CFAP96: variants seen among roughly 807,000 people sequenced by gnomAD.
CFAP96 encodes cilia and flagella associated protein 96, also known as cilia-and flagella-associated protein 96.
chr4:185,439,967 A>G, the CFAP96 span, among the ~76,000 whole-genome samples: 79 of 145,228 alleles, frequency 5.4e-4, no homozygotes, highest in Non-Finnish European at 1.0e-3. Context: ...ATATACATAT[A>G]TGTATATGTG....
the CFAP96 span, among the ~76,000 whole-genome samples, chr4:185,439,658 G>A: frequency 6.6e-6 from 1 of 150,690 alleles, no homozygotes; most frequent in African/African-American, 2.4e-5. Flanking sequence ...TAATAGAAAA[G>A]ATTACAACAT....
At chr4:185,445,462 C>T in the CFAP96 span, 2 of 1,406,480 alleles carry the variant, frequency 1.4e-6, no homozygotes, top group Non-Finnish European at 1.0e-6. Context: ...TTAACATTGG[C>T]TATTTCTCGA....
the CFAP96 span, among the ~76,000 whole-genome samples, chr4:185,433,148 AGTTT>A: frequency 6.6e-6 from 1 of 152,180 alleles, no homozygotes; most frequent in Non-Finnish European, 1.5e-5. Context: ...CCTTTAAGTT[AGTTT>A]AACATTAGAC....
At chr4:185,443,342 A>ATTTTT in the CFAP96 span, among the ~76,000 whole-genome samples, 476 of 26,718 alleles carry the variant, frequency 0.018, 39 homozygotes, top group African/African-American at 0.053. Flanking sequence ...ATATATATAT[A>ATTTTT]TTTTTTTTTT....
At chr4:185,422,114 A>G in the CFAP96 span, among the ~76,000 whole-genome samples, 1 of 152,204 alleles carries the variant, frequency 6.6e-6, no homozygotes, top group African/African-American at 2.4e-5. Flanking sequence ...CATATAATGT[A>G]GTATTTAAGA....
the CFAP96 span, chr4:185,425,818 A>C: frequency 6.3e-7 from 1 of 1,590,058 alleles, no homozygotes; most frequent in South Asian, 1.1e-5. Context: ...GGCGGCTGCC[A>C]AAGTCCGGGG....
chr4:185,437,951 TGTC>T, the CFAP96 span, among the ~76,000 whole-genome samples: 1 of 152,140 alleles, frequency 6.6e-6, no homozygotes, highest in South Asian at 2.1e-4. Flanking sequence ...AGAAACCTGT[TGTC>T]ATGCTCATTT....
At chr4:185,434,006 T>C in the CFAP96 span, among the ~76,000 whole-genome samples, 1 of 152,012 alleles carries the variant, frequency 6.6e-6, no homozygotes, top group Non-Finnish European at 1.5e-5. Context: ...ATTGCTTGAG[T>C]CTAGGAGTTT....
chr4:185,427,869 T>A, the CFAP96 span, among the ~76,000 whole-genome samples: 1 of 150,276 alleles, frequency 6.7e-6, no homozygotes, highest in African/African-American at 2.4e-5. Flanking sequence ...GTGGATCACC[T>A]GAGGTCAGGA....
the CFAP96 span, chr4:185,418,582 C>G: frequency 1.2e-6 from 2 of 1,612,362 alleles, no homozygotes; most frequent in Admixed American, 3.4e-5. Context: ...TTCAAACATA[C>G]TCACTGAATA....
the CFAP96 span, among the ~76,000 whole-genome samples, chr4:185,414,621 A>G: frequency 6.6e-6 from 1 of 152,330 alleles, no homozygotes; most frequent in East Asian, 1.9e-4. Context: ...GCGAGTCCAC[A>G]TATCAAAAAG....
the CFAP96 span, among the ~76,000 whole-genome samples, chr4:185,439,012 G>A: frequency 8.5e-5 from 13 of 152,120 alleles, no homozygotes; most frequent in African/African-American, 2.9e-4. Context: ...GAACATTCTA[G>A]GGCAGGGGTT....
the CFAP96 span, among the ~76,000 whole-genome samples, chr4:185,409,816 G>C: frequency 1.3e-5 from 2 of 152,190 alleles, no homozygotes; most frequent in African/African-American, 2.4e-5. Flanking sequence ...TCTTAAAAGA[G>C]AGGGGCATAG....
At chr4:185,421,909 T>G in the CFAP96 span, among the ~76,000 whole-genome samples, 1 of 152,216 alleles carries the variant, frequency 6.6e-6, no homozygotes, top group African/African-American at 2.4e-5. Context: ...GCCAAATGCC[T>G]GTTGGGAATT....
the CFAP96 span, among the ~76,000 whole-genome samples, chr4:185,427,080 T>A: frequency 2.7e-5 from 4 of 148,766 alleles, no homozygotes; most frequent in East Asian, 5.9e-4. Context: ...AAAAAAAAAA[T>A]TAATAAGAAA....
the CFAP96 span, among the ~76,000 whole-genome samples, chr4:185,419,659 A>G: frequency 6.6e-6 from 1 of 152,242 alleles, no homozygotes; most frequent in African/African-American, 2.4e-5. Flanking sequence ...GACATTTCAC[A>G]TAAGTGGAAT....
At chr4:185,437,638 A>G in the CFAP96 span, among the ~76,000 whole-genome samples, 1 of 152,188 alleles carries the variant, frequency 6.6e-6, no homozygotes, top group African/African-American at 2.4e-5. Flanking sequence ...AAAATTGTAT[A>G]TAAGCTAGTT....
At chr4:185,445,213 T>A in the CFAP96 span, 1 of 1,212,762 alleles carries the variant, frequency 8.2e-7, no homozygotes, top group Non-Finnish European at 1.1e-6. Context: ...TATCTTTTAT[T>A]TATATATACT....
the CFAP96 span, among the ~76,000 whole-genome samples, chr4:185,411,144 G>T: frequency 6.7e-6 from 1 of 148,202 alleles, no homozygotes; most frequent in East Asian, 2.0e-4. Context: ...AAAGACACAA[G>T]GCATAAAAAT....
Sources: allele counts gnomAD v4.1 joint callset (sites outside exome capture counted in the v4.1 genomes callset), GRCh38; gene constraint gnomAD v4.1.1; transcripts MANE v1.5; gene names NCBI Gene and HGNC (gene_info 2026-07-23, HGNC 2026-07-21).